Variants in AJUBA observed in about 807,000 individuals in gnomAD.
AJUBA encodes the protein ajuba LIM protein.
A neutral mutation model predicts 53.3 loss-of-function variants in AJUBA; 20 were observed. The ratio of observed to expected loss-of-function variants is 0.38; its 90% confidence interval spans 0.26 to 0.55. The LOEUF is 0.55. AJUBA is among the 20% of genes least tolerant of loss of function. The probability of loss-of-function intolerance (pLI) is 0.80; values close to 1 mark genes in which losing one functional copy is unlikely to be tolerated. For synonymous variants in AJUBA, 296 were observed against 306.2 expected (o/e 0.97, Z 0.35); for missense variants, 580 against 730.5 (o/e 0.79, Z 2.38).
chr14:22,975,047 T>G lies in AJUBA; in HGVS notation c.1297A>C (p.Asn433His). Residue 433 changes from asparagine (N) to histidine (H), a missense_variant, in exon 5 of 8, where the codon AAC becomes CAC. By Grantham distance (68) the Asn-to-His change is moderately conservative (BLOSUM62 1). Around this residue, in one of 2 missense-constraint regions of AJUBA, gnomAD observed 150 missense variants for 259.0 expected, o/e 0.58. Coordinates refer to ENST00000262713, the MANE Select transcript of AJUBA (RefSeq NM_032876.6). ...AAGGGGATGCCATCCAGGCACTTGT[T>G]GCAAACAATGCATCGGAAACAGCCT... ...HPGCFRCIVC[N>H]KCLDGIPFTV... The G allele has an allele frequency of 1.2e-6, 2 of 1,614,218 alleles. No homozygotes were observed. The highest frequency in any genetic ancestry group is 2.2e-5 in the East Asian group (1 of 44,890).
intron 4 of AJUBA, 82 bp downstream of exon 4, chr14:22,976,374 C>T: frequency 7.1e-7 from 1 of 1,404,210 alleles, no homozygotes; most frequent in Non-Finnish European, 1.0e-6. Context: ...CTTTCCCCAA[C>T]CTTCTCTCAA....
intron 6 of AJUBA, chr14:22,974,572 T>A: frequency 2.0e-6 from 1 of 490,156 alleles, no homozygotes; most frequent in Non-Finnish European, 3.6e-6. Context: ...ACATCTGCAG[T>A]CTGGTGACCT....
chr14:22,980,653 T>C (rs1280906180), intron 1 of AJUBA: 1 of 985,108 alleles, frequency 1.0e-6, no homozygotes, highest in Non-Finnish European at 1.2e-6. Context: ...GGGCGCTCCA[T>C]CCTGTCTCCC....
rs2045066766 is a variant in AJUBA at position 22,979,357 on chromosome 14, T to C, written c.1007-912A>G. ...TCTCCCCCTCGGCACGCTGCCACAC[T>C]CCCTGCCTGTTGGGGCCCATCCCAG... is the stretch of plus-strand genomic sequence containing the variant. On this transcript the variant is annotated intron_variant, in intron 1 of 7. Transcript: ENST00000262713. This position sits in a 1 kb window ranked among gnomAD's most constrained non-coding sequence, Gnocchi z 4.0. 6.6e-6 allele frequency among the ~76,000 whole-genome samples: 1 copy of C among 152,112 alleles called. No homozygotes were observed. The highest frequency in any genetic ancestry group is 2.1e-4 in the South Asian group (1 of 4,822).
intron 2 of AJUBA, among the ~76,000 whole-genome samples, chr14:22,978,119 G>A (rs1047642072): frequency 2.6e-5 from 4 of 152,016 alleles, no homozygotes; most frequent in Non-Finnish European, 4.4e-5. Flanking sequence ...AGGAAGGAGG[G>A]ACTCCAGAAA....
Position 22,981,721 on chromosome 14 carries a change from G to T in AJUBA, c.546C>A (p.Cys182Ter). The change falls in exon 1 of 8, where the codon TGC (cysteine) becomes TGA (stop). Residue 182 changes from cysteine (C) to a stop codon, truncating the protein, a stop_gained. Transcript: ENST00000262713. LOFTEE classifies it high-confidence loss of function. ...RHGSPLPAGP[C>*]LFGPPLAGAP... ...CTCCGGCCAGGGGTGGGCCAAACAGGCACGGCCCCGCTGGCAAGGGGCTCC... is the reference window on the plus strand; with the variant it reads ...CTCCGGCCAGGGGTGGGCCAAACAGTCACGGCCCCGCTGGCAAGGGGCTCC... 2 of 1,529,956 alleles carry T rather than the reference G, an allele frequency of 1.3e-6. No homozygotes were observed. The highest frequency in any genetic ancestry group is 1.7e-6 in the Non-Finnish European group (2 of 1,143,100). 94.8% of individuals were successfully genotyped at this position (1,529,956 alleles called of 1,614,324 possible).
rs1481663121 is a variant in AJUBA, at chr14:22,978,468, C to T, written c.1007-23G>A. The T allele has an allele frequency of 3.1e-6, 5 of 1,601,830 alleles. No individual in the cohort carries two copies. The Admixed American group carries it at 5.0e-5, about 16-fold the overall frequency. On this transcript the variant is annotated intron_variant, in intron 1 of 7. Transcript: ENST00000262713. ...TGCCTGAGAAGAGAAAAGTGTCACA[C>T]TCTACTCCCCCAGGTCAAAACCAGG...
chr14:22,975,657 G>A (rs1418657999), intron 4 of AJUBA: 4 of 152,940 alleles, frequency 2.6e-5, no homozygotes, highest in African/African-American at 9.6e-5. Context: ...TCAGGAGATC[G>A]AGACCATACT....
Position 22,982,507 on chromosome 14 carries a change from G to C in AJUBA, c.-241C>G. 7.2e-7 allele frequency: 1 copy of C among 1,391,706 alleles called. No individual in the cohort carries two copies. 86.2% of individuals were successfully genotyped at this position (1,391,706 alleles called of 1,614,324 possible). A position where few individuals can be genotyped will look rare whatever the true frequency, so the allele number is the denominator to read the frequency against. ...GCTAGCAGGGTCTCTGGCCGCGGCT[G>C]TCCAGTCCGCAGGTCTATCTGTTCA... On this transcript the variant is annotated 5_prime_UTR_variant, in exon 1 of 8. Transcript: ENST00000262713.
chr14:22,981,140 T>C (rs1223179206), intron 1 of AJUBA, 121 bp downstream of exon 1: 2 of 1,278,970 alleles, frequency 1.6e-6, no homozygotes, highest in Non-Finnish European at 2.1e-6. Context: ...CTCTTGCTTC[T>C]TTCCTAGTCC....
rs1366257754 is a variant in AJUBA at position 22,981,311 on chromosome 14, T to A, written c.956A>T (p.Glu319Val). 1 of 1,611,718 alleles carries A rather than the reference T, an allele frequency of 6.2e-7. No homozygotes were observed. The highest frequency in any genetic ancestry group is 2.2e-5 in the East Asian group (1 of 44,778). Residue 319 changes from glutamate (E) to valine (V), a missense_variant, in exon 1 of 8, where the codon GAG becomes GTG. Coordinates refer to ENST00000262713, the MANE Select transcript of AJUBA (RefSeq NM_032876.6). ...LEEPPGPFVP[E>V]AARARMREPE... Reference sequence around the variant, plus strand: ...CTCCCGCATCCGGGCCCGGGCGGCCTCCGGAACGAAAGGACCTGGTGGCTC... The same window carrying A: ...CTCCCGCATCCGGGCCCGGGCGGCCACCGGAACGAAAGGACCTGGTGGCTC...
At chr14:22,976,378 C>G in intron 4 of AJUBA, 78 bp downstream of exon 4, 1 of 1,422,154 alleles carries the variant, frequency 7.0e-7, no homozygotes, top group Non-Finnish European at 9.9e-7. Context: ...CCCCAACCTT[C>G]TCTCAATATC....
rs1266476821 is a variant in AJUBA at position 22,981,522 on chromosome 14, C to T, written c.745G>A (p.Ala249Thr). 2.5e-6 allele frequency: 4 copies of T among 1,593,518 alleles called. No individual in the cohort carries two copies. The highest frequency in any genetic ancestry group is 1.7e-6 in the Non-Finnish European group (2 of 1,173,276). ...GCCCCCCGTCTCTCCAAGGGCCCCG[C>T]CGCTCCCACTCCGGCCCCGGCTAGA... ...GALAGAGVGAAGPLERRGAQP... is the reference protein window; with the variant it reads ...GALAGAGVGATGPLERRGAQP... Residue 249 changes from alanine to threonine, a missense_variant, in exon 1 of 8, where the codon GCG (alanine) becomes ACG (threonine). By Grantham distance (58) the Ala-to-Thr change is moderately conservative. Around this residue, in one of 2 missense-constraint regions of AJUBA, gnomAD observed 430 missense variants for 471.5 expected, o/e 0.91. Coordinates refer to ENST00000262713, the MANE Select transcript of AJUBA (RefSeq NM_032876.6).
chr14:22,978,818 A>G (rs2045061571), intron 1 of AJUBA: 1 of 1,228,020 alleles, frequency 8.1e-7, no homozygotes. Flanking sequence ...TGAACGGTCA[A>G]AGATGCCAGT....
In AJUBA at chr14:22,974,037, C is replaced by T. The variant is rs1454745360; in HGVS notation, c.1491+10G>A. The T allele has an allele frequency of 6.2e-7, 1 of 1,613,986 alleles. No individual in the cohort carries two copies. The highest frequency in any genetic ancestry group is 1.3e-5 in the African/African-American group (1 of 74,894). ...CTTCTTCTCCAGCACCGCTGAACCC[C>T]AACACTCACCTCACAGTGGTAGCAC... On this transcript the variant is annotated intron_variant, in intron 7 of 7. Transcript: ENST00000262713.
chr14:22,981,174 G>C, intron 1 of AJUBA, 87 bp downstream of exon 1: 1 of 1,477,388 alleles, frequency 6.8e-7, no homozygotes, highest in South Asian at 1.4e-5. Flanking sequence ...CGGACCCCGG[G>C]GCACCGGCAC....
In AJUBA at chr14:22,981,650, T is replaced by C. The variant is rs2045097661; in HGVS notation, c.617A>G (p.Glu206Gly). Residue 206 changes from glutamate (E) to glycine (G), a missense_variant, in exon 1 of 8, where the codon GAG (glutamate) becomes GGG (glycine). Physicochemically the swap from Glu to Gly is moderately conservative, Grantham distance 98. This residue lies in a region of AJUBA where 430 missense variants were observed against 471.5 expected (regional missense o/e 0.91). Coordinates refer to ENST00000262713, the MANE Select transcript of AJUBA (RefSeq NM_032876.6). ...SPGGVPSAYP[E>G]LHAALDRLYA... ...CAATCGGTCCAGGGCGGCGTGGAGC[T>C]CCGGGTAGGCGGACGGGACCCCTCC... 1 of 1,514,274 alleles carries C rather than the reference T, an allele frequency of 6.6e-7. No individual in the cohort carries two copies. 93.8% of individuals were successfully genotyped at this position (1,514,274 alleles called of 1,614,324 possible).
chr14:22,973,098 G>A lies in AJUBA; in HGVS notation c.*345C>T, dbSNP rs569837057. ...ATTCGAGCCCAGGAGTTCAAGACTA[G>A]CCTGGGCAACATGGTGAGATCCCAT... On this transcript the variant is annotated 3_prime_UTR_variant, in exon 8 of 8. Coordinates refer to ENST00000262713, the MANE Select transcript of AJUBA (RefSeq NM_032876.6). The A allele has an allele frequency of 8.2e-5, 22 of 266,882 alleles. No individual in the cohort carries two copies. Among genetic ancestry groups the A allele is most frequent in the Admixed American group, 3.0e-4 (6 of 19,960 alleles). 16.5% of individuals were successfully genotyped at this position (266,882 alleles called of 1,614,324 possible). A position where few individuals can be genotyped will look rare whatever the true frequency, so the allele number is the denominator to read the frequency against.
At position 22,976,537 on chromosome 14, in the gene AJUBA, C is replaced by T. The variant is rs771814756; in HGVS notation, c.1177-19G>A. 22 of 1,613,922 alleles carry T rather than the reference C, an allele frequency of 1.4e-5. No individual in the cohort carries two copies. The highest frequency in any genetic ancestry group is 5.3e-5 in the African/African-American group (4 of 74,886). Reference sequence around the variant, plus strand: ...CTGAAAACTAAAGTAAAAGACAAGACGAACGGAGGCTGTTATCAAACTGAG... The same window carrying T: ...CTGAAAACTAAAGTAAAAGACAAGATGAACGGAGGCTGTTATCAAACTGAG... On this transcript the variant is annotated intron_variant, in intron 3 of 7. Transcript: ENST00000262713.
Sources: gnomAD v4.1 joint callset for allele counts (sites outside exome capture counted in the v4.1 genomes callset) on GRCh38, gnomAD v4.1.1 for gene constraint, gnomAD v4.1.1 regional missense constraint, Gnocchi (gnomAD v3.1) non-coding constraint, MANE v1.5 for transcripts, NCBI Gene and HGNC (gene_info 2026-07-23, HGNC 2026-07-21) for gene names.